Variants in TGFB1 observed in about 807,000 individuals in gnomAD.
TGFB1 encodes the protein transforming growth factor beta-1 proprotein.
A neutral mutation model predicts 43.8 loss-of-function variants in TGFB1; 19 were observed. The ratio of observed to expected loss-of-function variants is 0.43; its 90% confidence interval spans 0.30 to 0.64. The LOEUF is 0.64. TGFB1 is among the 30% of genes least tolerant of loss of function. TGFB1 has a pLI of 0.11. For synonymous variants in TGFB1, 221 were observed against 236.3 expected (o/e 0.94, Z 0.60); for missense variants, 445 against 529.8 (o/e 0.84, Z 1.57).
chr19:41,341,534 GT>G lies in TGFB1; in HGVS notation c.860+348del, dbSNP rs926303534. ...TTACAAGACTCCCAGTTCTTTTTTT[GT>G]TTTTTGTGGCTGGGATTATAGGCGC... On this transcript the variant is annotated intron_variant, in intron 5 of 6. Coordinates refer to ENST00000221930, the MANE Select transcript of TGFB1 (RefSeq NM_000660.7). Among the ~76,000 whole-genome samples, 379 of 126,560 alleles carry G rather than the reference GT, an allele frequency of 3.0e-3. 2 individuals are homozygous for G. Among genetic ancestry groups the G allele is most frequent in the Non-Finnish European group, 4.7e-3 (284 of 60,228 alleles). 83.0% of individuals were successfully genotyped at this position (126,560 alleles called of 152,430 possible). A position where few individuals can be genotyped will look rare whatever the true frequency, so the allele number is the denominator to read the frequency against.
chr19:41,333,207 C>CTTTTTTTTTTT (rs1568474595), intron 5 of TGFB1, among the ~76,000 whole-genome samples: 3 of 120,744 alleles, frequency 2.5e-5, no homozygotes, highest in Non-Finnish European at 3.4e-5. Flanking sequence ...CTTTTTTTTT[C>CTTTTTTTTTTT]TATTTTTTTT....
chr19:41,344,665 G>T (rs1343726041), intron 3 of TGFB1, 82 bp downstream of exon 3: 7 of 1,322,958 alleles, frequency 5.3e-6, no homozygotes, highest in African/African-American at 1.4e-5. Flanking sequence ...GCGGAGAGGG[G>T]TCCTAGGCAA....
chr19:41,336,386 C>CTA (rs1460829710), intron 5 of TGFB1, among the ~76,000 whole-genome samples: 1 of 134,580 alleles, frequency 7.4e-6, no homozygotes, highest in African/African-American at 2.7e-5. Context: ...TCCACTATCT[C>CTA]TTTTTTTTTT....
Position 41,331,264 on chromosome 19 carries a change from C to T in TGFB1, c.1015-54G>A, listed in dbSNP as rs1268431507. ...AGGGCTCGTGGAGGGAGGAAAACGG[C>T]CCTCCACTGCCCCATCCCCCACCCG... On this transcript the variant is annotated intron_variant, in intron 6 of 6. Transcript: ENST00000221930. The T allele has an allele frequency of 3.5e-6, 5 of 1,444,306 alleles. No homozygotes were observed. In the African/African-American group the frequency reaches 4.4e-5, roughly 13 times the overall value. The allele number at this position is 1,444,306 out of a possible 1,614,324, so 89.5% of individuals were successfully genotyped here. A position where few individuals can be genotyped will look rare whatever the true frequency, so the allele number is the denominator to read the frequency against.
intron 5 of TGFB1, among the ~76,000 whole-genome samples, chr19:41,334,145 C>T (rs112447991): frequency 0.064 from 9,788 of 152,170 alleles, 849 homozygotes; most frequent in African/African-American, 0.19. Context: ...GAGGCCAAGG[C>T]GGGTGGATCA....
At chr19:41,344,913 G>T in intron 2 of TGFB1, 49 bp from the exon 3 acceptor site, 1 of 1,475,548 alleles carries the variant, frequency 6.8e-7, no homozygotes, top group South Asian at 1.2e-5. Flanking sequence ...ATGGTGTCAC[G>T]ACCCCACATA....
At chr19:41,344,500 G>C (rs1396991291) in intron 3 of TGFB1, among the ~76,000 whole-genome samples, 2 of 152,192 alleles carry the variant, frequency 1.3e-5, no homozygotes, top group African/African-American at 2.4e-5. Context: ...AGCTCTGTGA[G>C]GGCAAGGATG....
At position 41,353,704 on chromosome 19, in the gene TGFB1, GGGC is replaced by G; in HGVS notation, c.-663_-661del. 6.5e-6 allele frequency: 1 copy of G among 154,216 alleles called. No individual in the cohort carries two copies. The highest frequency in any genetic ancestry group is 1.4e-5 in the Non-Finnish European group (1 of 69,648). The allele number at this position is 154,216 out of a possible 1,614,324, so 9.6% of individuals were successfully genotyped here. On this transcript the variant is annotated 5_prime_UTR_variant, in exon 1 of 7. Transcript: ENST00000221930. This position sits in a 1 kb window ranked among gnomAD's most constrained non-coding sequence, Gnocchi z 5.9. ...CTCCCCCTCCTCCCCGCAGTGGCGGGGGCGGCGGCGGCTCGTCTCAGACTCTGG... is the reference window on the plus strand; with the variant it reads ...CTCCCCCTCCTCCCCGCAGTGGCGGGGGCGGCGGCTCGTCTCAGACTCTGG...
intron 3 of TGFB1, 150 bp from the exon 4 acceptor site, chr19:41,342,397 T>C: frequency 3.4e-6 from 2 of 587,918 alleles, no homozygotes; most frequent in Admixed American, 3.1e-5. Context: ...TCTCTTTTTT[T>C]TTTTTTTTTT....
chr19:41,339,789 A>G (rs1448186232), intron 5 of TGFB1, among the ~76,000 whole-genome samples: 3 of 152,088 alleles, frequency 2.0e-5, no homozygotes, highest in Non-Finnish European at 2.9e-5. Flanking sequence ...ACGCCACTGC[A>G]CTCCAGCCTG....
In TGFB1 at chr19:41,353,079, G is replaced by A; in HGVS notation, c.-35C>T. ...GGCGCCCCCCGGCACTGCCGAGAGCGCGAACAGGGCTGGTGTGGTGGGGAG... is the reference window on the plus strand; with the variant it reads ...GGCGCCCCCCGGCACTGCCGAGAGCACGAACAGGGCTGGTGTGGTGGGGAG... On this transcript the variant is annotated 5_prime_UTR_variant, in exon 1 of 7. Transcript: ENST00000221930. This position sits in a 1 kb window ranked among gnomAD's most constrained non-coding sequence, Gnocchi z 5.9. The A allele has an allele frequency of 1.3e-6, 2 of 1,498,286 alleles. No individual in the cohort carries two copies. The highest frequency in any genetic ancestry group is 1.8e-6 in the Non-Finnish European group (2 of 1,129,284). 92.8% of individuals were successfully genotyped at this position (1,498,286 alleles called of 1,614,324 possible). A position where few individuals can be genotyped will look rare whatever the true frequency, so the allele number is the denominator to read the frequency against.
chr19:41,344,129 C>T (rs890561303), intron 3 of TGFB1, among the ~76,000 whole-genome samples: 8 of 151,850 alleles, frequency 5.3e-5, no homozygotes, highest in South Asian at 2.1e-4. Flanking sequence ...ACTACAGGCA[C>T]GTAACAGCAT....
intron 5 of TGFB1, among the ~76,000 whole-genome samples, chr19:41,334,424 CTTTTT>C (rs750640294): frequency 1.5e-4 from 18 of 116,966 alleles, no homozygotes; most frequent in African/African-American, 5.8e-4. Context: ...TTGACAATGC[CTTTTT>C]TTTTTTTTTT....
intron 5 of TGFB1, 29 bp downstream of exon 5, chr19:41,341,854 A>T: frequency 6.2e-7 from 1 of 1,612,376 alleles, no homozygotes; most frequent in South Asian, 1.1e-5. Flanking sequence ...CCCAGCCTGG[A>T]AGGCCTCCAT....
At chr19:41,339,793 C>T (rs1163259801) in intron 5 of TGFB1, among the ~76,000 whole-genome samples, 2 of 152,100 alleles carry the variant, frequency 1.3e-5, no homozygotes, top group Admixed American at 6.6e-5. Flanking sequence ...CACTGCACTC[C>T]AGCCTGGGCA....
chr19:41,349,700 T>A (rs1162632288), intron 1 of TGFB1, among the ~76,000 whole-genome samples: 1 of 152,128 alleles, frequency 6.6e-6, no homozygotes, highest in African/African-American at 2.4e-5. Context: ...GAGGTTATAG[T>A]GTGCCGAGAT....
chr19:41,349,290 T>C (rs1330740024), intron 1 of TGFB1, among the ~76,000 whole-genome samples: 1 of 152,242 alleles, frequency 6.6e-6, no homozygotes, highest in Admixed American at 6.5e-5. Context: ...CAGACTCTCC[T>C]AATTTAAGCG....
Position 41,353,282 on chromosome 19 carries a change from C to G in TGFB1, c.-238G>C. ...GATCTGGTACCAGAAGGTGGGTGGTCTTGAATAGGGGATCTGTGGCAGGTC... is the reference window on the plus strand; with the variant it reads ...GATCTGGTACCAGAAGGTGGGTGGTGTTGAATAGGGGATCTGTGGCAGGTC... On this transcript the variant is annotated 5_prime_UTR_variant, in exon 1 of 7. Transcript: ENST00000221930. This position sits in a 1 kb window ranked among gnomAD's most constrained non-coding sequence, Gnocchi z 5.9. 1 of 519,666 alleles carries G rather than the reference C, an allele frequency of 1.9e-6. No individual in the cohort carries two copies. The highest frequency in any genetic ancestry group is 3.3e-6 in the Non-Finnish European group (1 of 298,918). 32.2% of individuals were successfully genotyped at this position (519,666 alleles called of 1,614,324 possible).
intron 3 of TGFB1, among the ~76,000 whole-genome samples, chr19:41,343,325 G>A (rs375236854): frequency 6.6e-6 from 1 of 151,956 alleles, no homozygotes; most frequent in African/African-American, 2.4e-5. Flanking sequence ...GTAGAGACGG[G>A]GTTTCTCCAT....
Sources: allele counts gnomAD v4.1 joint callset (sites outside exome capture counted in the v4.1 genomes callset), GRCh38; gene constraint gnomAD v4.1.1; non-coding constraint Gnocchi (gnomAD v3.1); transcripts MANE v1.5; gene names NCBI Gene and HGNC (gene_info 2026-07-23, HGNC 2026-07-21).